GABPB1: variants seen among roughly 807,000 people sequenced by gnomAD.
The protein encoded by GABPB1 is GA binding protein transcription factor subunit beta 1.
In GABPB1, 15 loss-of-function variants were observed where a neutral mutation model predicts 45.9. The observed-to-expected ratio is 0.33, with a 90% CI of 0.22 to 0.50. GABPB1 has a LOEUF of 0.50. Among genes scored for constraint, GABPB1 ranks in the 20% least tolerant of loss-of-function variants. The pLI is 0.98. For missense variants in GABPB1, 252 were observed against 457.5 expected, an observed-to-expected ratio of 0.55 and a Z score of 4.10; for synonymous variants, 143 against 154.4, an observed-to-expected ratio of 0.93 and a Z score of 0.55.
rs916695331 is a variant in GABPB1 at position 50,288,501 on chromosome 15, T to C, written c.883+982A>G. 7.2e-5 allele frequency among the ~76,000 whole-genome samples: 11 copies of C among 152,332 alleles called. No individual in the cohort carries two copies. The South Asian group carries it at 1.5e-3, about 20-fold the overall frequency. ...TCTATCTCAGTCCTGCATGCAGCAC[T>C]TCCTACTGAGTCTGGGGCCCTATCC... is the stretch of plus-strand genomic sequence containing the variant. On this transcript the variant is annotated intron_variant, in intron 7 of 8. Transcript: ENST00000380877.
intron 1 of GABPB1, chr15:50,351,090 A>C (rs2048802908): frequency 6.6e-6 from 1 of 152,210 alleles, no homozygotes; most frequent in African/African-American, 2.4e-5. Context: ...TACCCTACTT[A>C]AGTTTGGGCC....
intron 8 of GABPB1, among the ~76,000 whole-genome samples, chr15:50,281,791 C>A (rs1331845947): frequency 6.6e-6 from 1 of 152,124 alleles, no homozygotes; most frequent in African/African-American, 2.4e-5. Flanking sequence ...CCTTCTCCAG[C>A]CTTAGAAAAA....
At chr15:50,281,004 A>G (rs1219228275) in intron 8 of GABPB1, among the ~76,000 whole-genome samples, 1 of 152,136 alleles carries the variant, frequency 6.6e-6, no homozygotes, top group African/African-American at 2.4e-5. Flanking sequence ...ACCTAATCCT[A>G]TTTTCCATAC....
chr15:50,348,546 C>T (rs1313884701), intron 1 of GABPB1, among the ~76,000 whole-genome samples: 6 of 151,644 alleles, frequency 4.0e-5, no homozygotes, highest in South Asian at 2.1e-4. Flanking sequence ...ACACTGAGCC[C>T]GGCCATTTTT....
chr15:50,339,745 G>C (rs1012321695), intron 1 of GABPB1, among the ~76,000 whole-genome samples: 2 of 152,042 alleles, frequency 1.3e-5, no homozygotes, highest in African/African-American at 4.8e-5. Flanking sequence ...AGATAAGCTC[G>C]AAAGTTCCAT....
At chr15:50,320,487 T>G (rs2047526205) in intron 1 of GABPB1, among the ~76,000 whole-genome samples, 1 of 152,168 alleles carries the variant, frequency 6.6e-6, no homozygotes, top group South Asian at 2.1e-4. Context: ...GTTTTTTCAG[T>G]GAAATCTTCC....
intron 1 of GABPB1, among the ~76,000 whole-genome samples, chr15:50,340,024 T>C (rs2048293945): frequency 6.6e-6 from 1 of 152,214 alleles, no homozygotes; most frequent in African/African-American, 2.4e-5. Flanking sequence ...CCCAAGGTGA[T>C]GGTATTAGTA....
chr15:50,319,189 G>C (rs771818266), intron 1 of GABPB1, among the ~76,000 whole-genome samples: 2 of 152,162 alleles, frequency 1.3e-5, no homozygotes, highest in Non-Finnish European at 2.9e-5. Flanking sequence ...GGGGTGGGAA[G>C]AAATAACACA....
At chr15:50,287,561 C>A (rs2046207278) in intron 7 of GABPB1, among the ~76,000 whole-genome samples, 1 of 152,194 alleles carries the variant, frequency 6.6e-6, no homozygotes, top group Non-Finnish European at 1.5e-5. Flanking sequence ...CATGTGAGGA[C>A]AGGCCACAAG....
chr15:50,333,161 A>G (rs1257082603), intron 1 of GABPB1, among the ~76,000 whole-genome samples: 2 of 152,216 alleles, frequency 1.3e-5, no homozygotes, highest in Non-Finnish European at 2.9e-5. Context: ...AATATTGGAC[A>G]GCACAGAAAA....
chr15:50,350,968 T>G (rs1386078991), intron 1 of GABPB1: 1 of 152,192 alleles, frequency 6.6e-6, no homozygotes, highest in Non-Finnish European at 1.5e-5. Context: ...TTCAACTTTT[T>G]CTCATTTCCA....
intron 1 of GABPB1, among the ~76,000 whole-genome samples, chr15:50,340,319 C>G (rs1045559534): frequency 1.3e-5 from 2 of 152,138 alleles, no homozygotes; most frequent in African/African-American, 4.8e-5. Context: ...TGGACTAAGA[C>G]AGTTGGTCAA....
chr15:50,338,699 C>G (rs1198617120), intron 1 of GABPB1, among the ~76,000 whole-genome samples: 1 of 151,762 alleles, frequency 6.6e-6, no homozygotes, highest in Non-Finnish European at 1.5e-5. Flanking sequence ...GTCTTGAACT[C>G]CTGGACTTAA....
intron 8 of GABPB1, 116 bp downstream of exon 8, chr15:50,285,952 T>A: frequency 6.8e-7 from 1 of 1,460,192 alleles, no homozygotes; most frequent in Non-Finnish European, 9.0e-7. Context: ...ATGAAAATAC[T>A]ACGCACTTTC....
chr15:50,326,220 A>C (rs1304147794), intron 1 of GABPB1, among the ~76,000 whole-genome samples: 1 of 152,264 alleles, frequency 6.6e-6, no homozygotes, highest in African/African-American at 2.4e-5. Context: ...TCTTTTAGAA[A>C]AACTTCATCT....
At chr15:50,320,674 T>G (rs1180515167) in intron 1 of GABPB1, among the ~76,000 whole-genome samples, 1 of 152,204 alleles carries the variant, frequency 6.6e-6, no homozygotes, top group Non-Finnish European at 1.5e-5. Flanking sequence ...ACTAGGGTGG[T>G]TATCCTGGAT....
intron 2 of GABPB1, among the ~76,000 whole-genome samples, chr15:50,306,626 CAAAAAAA>C (rs34344784): frequency 4.7e-5 from 4 of 84,430 alleles, no homozygotes; most frequent in Non-Finnish European, 7.2e-5. Flanking sequence ...AACTCTGTCT[CAAAAAAA>C]AAAAAAAAAA....
At chr15:50,344,484 G>C (rs2048491700) in intron 1 of GABPB1, among the ~76,000 whole-genome samples, 1 of 152,200 alleles carries the variant, frequency 6.6e-6, no homozygotes, top group Non-Finnish European at 1.5e-5. Context: ...AGGATGCAAG[G>C]AAGGAAAATC....
chr15:50,283,673 G>C (rs2046067103), intron 8 of GABPB1, among the ~76,000 whole-genome samples: 1 of 152,076 alleles, frequency 6.6e-6, no homozygotes, highest in East Asian at 1.9e-4. Context: ...ACCACACCCA[G>C]CTAATTTTTG....
Sources: allele counts gnomAD v4.1 joint callset (sites outside exome capture counted in the v4.1 genomes callset), GRCh38; gene constraint gnomAD v4.1.1; transcripts MANE v1.5; gene names NCBI Gene and HGNC (gene_info 2026-07-23, HGNC 2026-07-21).